The following OR6N1 variants were observed in gnomAD, a reference collection of about 807,000 sequenced individuals.
The protein encoded by OR6N1 is olfactory receptor 6N1.
For synonymous variants in OR6N1, 170 were observed against 150.7 expected, an observed-to-expected ratio of 1.13 and a Z score of -0.94; for missense variants, 394 against 371.7, an observed-to-expected ratio of 1.06 and a Z score of -0.49.
chr1:158,827,831 T>C, the OR6N1 span, among the ~76,000 whole-genome samples: 1 of 152,212 alleles, frequency 6.6e-6, no homozygotes, highest in Non-Finnish European at 1.5e-5. Flanking sequence ...ATCCTGCTGA[T>C]AAAGGCATAC....
chr1:158,807,351 A>G, the OR6N1 span, among the ~76,000 whole-genome samples: 1 of 152,234 alleles, frequency 6.6e-6, no homozygotes, highest in Admixed American at 6.5e-5. Flanking sequence ...GGAATGAGGA[A>G]AATGGAAAGT....
At chr1:158,792,716 C>T in the OR6N1 span, among the ~76,000 whole-genome samples, 2 of 152,134 alleles carry the variant, frequency 1.3e-5, no homozygotes, top group Non-Finnish European at 2.9e-5. Flanking sequence ...GGACCCCAGT[C>T]TTTTCTGGCT....
At chr1:158,789,037 C>A in the OR6N1 span, among the ~76,000 whole-genome samples, 2 of 152,018 alleles carry the variant, frequency 1.3e-5, no homozygotes, top group African/African-American at 2.4e-5. Flanking sequence ...AACCAACAAC[C>A]AACTTTCTAT....
chr1:158,787,976 T>C, the OR6N1 span, among the ~76,000 whole-genome samples: 1 of 152,192 alleles, frequency 6.6e-6, no homozygotes, highest in African/African-American at 2.4e-5. Context: ...AGAGATAATT[T>C]GAGCAGACCT....
the OR6N1 span, among the ~76,000 whole-genome samples, chr1:158,794,843 G>A: frequency 6.6e-6 from 1 of 152,134 alleles, no homozygotes; most frequent in African/African-American, 2.4e-5. Context: ...ACCAGGAGGT[G>A]GTACCCGTAA....
chr1:158,831,234 C>T, the OR6N1 span: 1 of 152,140 alleles, frequency 6.6e-6, no homozygotes, highest in African/African-American at 2.4e-5. Flanking sequence ...TTACTTACTA[C>T]AAAGAGGAAC....
the OR6N1 span, among the ~76,000 whole-genome samples, chr1:158,818,136 T>C: frequency 2.0e-5 from 3 of 152,214 alleles, no homozygotes; most frequent in Non-Finnish European, 4.4e-5. Flanking sequence ...CTCCCTACTT[T>C]CTTTATATTT....
the OR6N1 span, among the ~76,000 whole-genome samples, chr1:158,825,546 A>G: frequency 6.6e-6 from 1 of 152,216 alleles, no homozygotes; most frequent in African/African-American, 2.4e-5. Context: ...ACTAATAATT[A>G]GAGAAATGCA....
At chr1:158,838,003 C>T in the OR6N1 span, among the ~76,000 whole-genome samples, 3 of 151,820 alleles carry the variant, frequency 2.0e-5, no homozygotes, top group African/African-American at 2.4e-5. Context: ...AGCTCCCCAA[C>T]ACATATTTTA....
the OR6N1 span, among the ~76,000 whole-genome samples, chr1:158,791,620 C>T: frequency 4.6e-5 from 7 of 152,136 alleles, no homozygotes; most frequent in African/African-American, 1.7e-4. Context: ...CAGGCATGCG[C>T]TACCACATCC....
chr1:158,781,472 G>C, the OR6N1 span, among the ~76,000 whole-genome samples: 3 of 152,078 alleles, frequency 2.0e-5, no homozygotes, highest in Non-Finnish European at 4.4e-5. Context: ...ACCCTCCCTT[G>C]CCACTCCTAT....
chr1:158,803,422 C>G, the OR6N1 span, among the ~76,000 whole-genome samples: 1 of 152,178 alleles, frequency 6.6e-6, no homozygotes, highest in Admixed American at 6.5e-5. Context: ...CCCACAGTCT[C>G]AAGCACCAAC....
chr1:158,802,559 CT>C, the OR6N1 span, among the ~76,000 whole-genome samples: 6 of 151,958 alleles, frequency 3.9e-5, no homozygotes, highest in Admixed American at 6.6e-5. Context: ...ATCTTAAAAG[CT>C]TTTTTTGCAA....
At chr1:158,808,860 C>G in the OR6N1 span, 1 of 152,320 alleles carries the variant, frequency 6.6e-6, no homozygotes, top group Admixed American at 6.6e-5. Context: ...GTGAGGGTGG[C>G]TGGCACAAGT....
At chr1:158,807,413 C>A in the OR6N1 span, among the ~76,000 whole-genome samples, 1 of 152,174 alleles carries the variant, frequency 6.6e-6, no homozygotes, top group Non-Finnish European at 1.5e-5. Flanking sequence ...CCTATTTTCT[C>A]ACTAATTTAT....
At chr1:158,823,170 CT>C in the OR6N1 span, among the ~76,000 whole-genome samples, 5 of 150,994 alleles carry the variant, frequency 3.3e-5, no homozygotes, top group Non-Finnish European at 7.4e-5. Flanking sequence ...CTGAATATTT[CT>C]TTTTTGTTGC....
chr1:158,834,077 G>A, the OR6N1 span, among the ~76,000 whole-genome samples: 1 of 151,852 alleles, frequency 6.6e-6, no homozygotes. Flanking sequence ...CCGATGTTTT[G>A]TGCATGTATG....
chr1:158,790,683 C>T, the OR6N1 span, among the ~76,000 whole-genome samples: 1 of 152,140 alleles, frequency 6.6e-6, no homozygotes, highest in Non-Finnish European at 1.5e-5. Flanking sequence ...GGATTACAGG[C>T]GTGAGCCACT....
chr1:158,809,459 C>G, the OR6N1 span: 1 of 152,216 alleles, frequency 6.6e-6, no homozygotes, highest in Non-Finnish European at 1.5e-5. Context: ...TCACTTTACA[C>G]TAGAGGAACT....
Sources: gnomAD v4.1 joint callset for allele counts (sites outside exome capture counted in the v4.1 genomes callset) on GRCh38, gnomAD v4.1.1 for gene constraint, MANE v1.5 for transcripts, NCBI Gene and HGNC (gene_info 2026-07-23, HGNC 2026-07-21) for gene names.